Variants in MYO18A observed in about 807,000 individuals in gnomAD.
MYO18A encodes unconventional myosin-XVIIIa.
Under a neutral mutation model 235.8 loss-of-function variants are expected in MYO18A, and 78 were observed. The ratio of observed to expected loss-of-function variants is 0.33; its 90% CI spans 0.28 to 0.40. The LOEUF (loss-of-function observed/expected upper bound fraction) is 0.40, where lower values mean the gene tolerates loss of function less well. Among genes scored for constraint, MYO18A ranks in the 10% least tolerant of loss-of-function variants. The probability of loss-of-function intolerance (pLI) is 1.00; values close to 1 mark genes in which losing one functional copy is unlikely to be tolerated. For synonymous variants in MYO18A, 977 were observed against 1,077.8 expected (o/e 0.91, Z 1.83); for missense variants, 2,215 against 2,699.3 (o/e 0.82, Z 3.98).
In MYO18A at chr17:29,072,202, CTTTTTTTTTTTTT is replaced by C. The variant is rs35478786; in HGVS notation, c.*2555_*2567del. ...ACAGAACTGAACATAAGCTAGCAGC[CTTTTTTTTTTTTT>C]TTTTTTTTTTGTAAAAAAAAGTAAC... On this transcript the variant is annotated 3_prime_UTR_variant, in exon 42 of 42. Coordinates refer to ENST00000527372, the MANE Select transcript of MYO18A (RefSeq NM_078471.4). The C allele has an allele frequency of 1.3e-4, 12 of 91,508 alleles. No homozygotes were observed. Among genetic ancestry groups the C allele is most frequent in the East Asian group, 3.4e-4 (1 of 2,956 alleles). The allele number at this position is 91,508 out of a possible 1,614,324, so 5.7% of individuals were successfully genotyped here. A position where few individuals can be genotyped will look rare whatever the true frequency, so the allele number is the denominator to read the frequency against.
chr17:29,128,604 T>G, intron 2 of MYO18A: 1 of 1,153,280 alleles, frequency 8.7e-7, no homozygotes, highest in East Asian at 6.2e-5. Flanking sequence ...GCCCATCCCA[T>G]GCAGAGGGAA....
intron 2 of MYO18A, among the ~76,000 whole-genome samples, chr17:29,154,807 G>A (rs950266562): frequency 4.6e-5 from 7 of 152,180 alleles, no homozygotes; most frequent in Admixed American, 1.3e-4. Flanking sequence ...CAGCCCAGCC[G>A]GGGAGGAAAT....
At chr17:29,151,065 T>G (rs541810856) in intron 2 of MYO18A, among the ~76,000 whole-genome samples, 384 of 152,110 alleles carry the variant, frequency 2.5e-3, no homozygotes, top group African/African-American at 8.5e-3. Context: ...CTGGGCAACA[T>G]AGTGAGACCC....
At chr17:29,129,819 T>C (rs2067418813) in intron 2 of MYO18A, among the ~76,000 whole-genome samples, 1 of 152,196 alleles carries the variant, frequency 6.6e-6, no homozygotes, top group Admixed American at 6.5e-5. Flanking sequence ...TGGTTACAGG[T>C]TGGCTCCGCT....
In MYO18A at chr17:29,140,638, G is replaced by C. The variant is rs1044264870; in HGVS notation, c.1000-18385C>G. On this transcript the variant is annotated intron_variant, in intron 2 of 41. Coordinates refer to ENST00000527372, the MANE Select transcript of MYO18A (RefSeq NM_078471.4). This position sits in a 1 kb window ranked among gnomAD's most constrained non-coding sequence, Gnocchi z 4.2. The stretch of plus-strand genomic sequence containing the variant: ...AGGCAGTGTTAGGGGGTTAGGGCAA[G>C]GACAGGGAGGGTGAGACTTGCCTAT... 1.0e-5 allele frequency: 2 copies of C among 190,838 alleles called. No homozygotes were observed. Among genetic ancestry groups the C allele is most frequent in the African/African-American group, 4.8e-5 (2 of 41,916 alleles). The allele number at this position is 190,838 out of a possible 1,614,324, so 11.8% of individuals were successfully genotyped here.
Position 29,109,993 on chromosome 17 carries a change from C to T in MYO18A, c.3196G>A (p.Val1066Ile), listed in dbSNP as rs1456446236. 1 of 1,612,240 alleles carries T rather than the reference C, an allele frequency of 6.2e-7. No individual in the cohort carries two copies. The highest frequency in any genetic ancestry group is 1.3e-5 in the African/African-American group (1 of 74,988). ...GEPRSASSRR[V>I]SSSSELDLPS... ...AGGTCCAGCTCACTGCTGCTGCTGA[C>T]TCGGCGGGAGGAGGCGGAACGGGGC... Residue 1066 changes from valine to isoleucine, a missense_variant, in exon 19 of 42, where the codon GTC (valine) becomes ATC (isoleucine). Physicochemically the swap from Val to Ile is conservative, Grantham distance 29. Coordinates refer to ENST00000527372, the MANE Select transcript of MYO18A (RefSeq NM_078471.4). The surrounding 1 kb of genome is among the most constrained non-coding windows in gnomAD (Gnocchi z 4.1).
chr17:29,129,055 C>A (rs1332478650), intron 2 of MYO18A: 1 of 1,289,284 alleles, frequency 7.8e-7, no homozygotes, highest in Non-Finnish European at 1.0e-6. Context: ...GCGTCCTGAC[C>A]TTTGTAGTCC....
chr17:29,130,299 C>CAAAAAAAAAAAAA (rs564370108), intron 2 of MYO18A, among the ~76,000 whole-genome samples: 41 of 55,896 alleles, frequency 7.3e-4, no homozygotes, highest in East Asian at 1.7e-3. Flanking sequence ...AACCCTGTCT[C>CAAAAAAAAAAAAA]AAAAAAAAAA....
At chr17:29,128,512 T>C (rs1567617087) in intron 2 of MYO18A, 2 of 1,279,526 alleles carry the variant, frequency 1.6e-6, no homozygotes, top group Non-Finnish European at 1.0e-6. Context: ...GACTCCTAGA[T>C]GGGCCACTGC....
intron 10 of MYO18A, among the ~76,000 whole-genome samples, 158 bp from the exon 11 acceptor site, chr17:29,116,613 G>GCACGCACACACACACACACACA (rs1555532995): frequency 2.1e-5 from 3 of 144,806 alleles, no homozygotes; most frequent in African/African-American, 7.9e-5. Flanking sequence ...TGGGACAAAC[G>GCACGCACACACACACACACACA]CACACACACA....
chr17:29,078,384 G>T (rs2066036827), intron 41 of MYO18A: 1 of 152,274 alleles, frequency 6.6e-6, no homozygotes, highest in East Asian at 1.9e-4. Context: ...GTTCCTCCCA[G>T]AGCACCCAGT....
At chr17:29,144,636 A>G (rs1404478466) in intron 2 of MYO18A, among the ~76,000 whole-genome samples, 2 of 152,248 alleles carry the variant, frequency 1.3e-5, no homozygotes, top group Non-Finnish European at 1.5e-5. Flanking sequence ...TAAGAATAGA[A>G]AAGGCAGTAC....
chr17:29,124,489 C>A (rs2067273072), intron 2 of MYO18A, among the ~76,000 whole-genome samples: 2 of 152,206 alleles, frequency 1.3e-5, no homozygotes, highest in Non-Finnish European at 2.9e-5. Context: ...GGCACTACCT[C>A]CCGCTGGGGT....
intron 2 of MYO18A, among the ~76,000 whole-genome samples, chr17:29,130,131 C>T (rs1355497247): frequency 6.6e-6 from 1 of 151,774 alleles, no homozygotes; most frequent in Non-Finnish European, 1.5e-5. Flanking sequence ...ACTGTTTCTA[C>T]AAAAAATACA....
intron 36 of MYO18A, 110 bp downstream of exon 36, chr17:29,090,422 G>T: frequency 1.1e-6 from 1 of 950,256 alleles, no homozygotes; most frequent in South Asian, 1.5e-5. Context: ...GCTGCTCTGT[G>T]GATTACTGAT....
chr17:29,081,357 G>C (rs1282467332), intron 41 of MYO18A, among the ~76,000 whole-genome samples: 1 of 152,244 alleles, frequency 6.6e-6, no homozygotes, highest in African/African-American at 2.4e-5. Flanking sequence ...CACGGCAGTG[G>C]GGCGGGGAAG....
chr17:29,148,776 CAGAG>C (rs1171376683), intron 2 of MYO18A, among the ~76,000 whole-genome samples: 1 of 152,172 alleles, frequency 6.6e-6, no homozygotes, highest in Non-Finnish European at 1.5e-5. Context: ...GGGATGGTCT[CAGAG>C]AGGAGAAGGA....
rs967300995 is a variant in MYO18A, at chr17:29,099,297, A to G, written c.3637-328T>C. On this transcript the variant is annotated intron_variant, in intron 22 of 41. Coordinates refer to ENST00000527372, the MANE Select transcript of MYO18A (RefSeq NM_078471.4). ...CTATAAAACCTAATCTTGCTGAAAC[A>G]CAAGAGGCGGCAGTGCTGGCTGTTT... Among the ~76,000 whole-genome samples, 18 of 152,336 alleles carry G rather than the reference A, an allele frequency of 1.2e-4. No homozygotes were observed. In the East Asian group the frequency reaches 1.5e-3, roughly 13 times the overall value.
intron 2 of MYO18A, among the ~76,000 whole-genome samples, chr17:29,148,904 G>A (rs2067908756): frequency 6.6e-6 from 1 of 152,204 alleles, no homozygotes. Context: ...CCAGGCCCGG[G>A]GCGGCACTTC....
Sources: gnomAD v4.1 joint callset for allele counts (sites outside exome capture counted in the v4.1 genomes callset) on GRCh38, gnomAD v4.1.1 for gene constraint, Gnocchi (gnomAD v3.1) non-coding constraint, MANE v1.5 for transcripts, NCBI Gene and HGNC (gene_info 2026-07-23, HGNC 2026-07-21) for gene names.